Variants in FKBP1B observed in about 807,000 individuals in gnomAD.
FKBP1B encodes the protein FKBP prolyl isomerase 1B.
Under a neutral mutation model 13.5 loss-of-function variants are expected in FKBP1B, and 4 were observed. That is an observed-to-expected ratio of 0.30 (90% CI 0.15 to 0.68). The LOEUF is 0.68. Ranked by LOEUF, FKBP1B falls within the 30% of genes least tolerant of loss-of-function variation. FKBP1B has a pLI of 0.76. For missense variants in FKBP1B, 93 were observed against 136.2 expected, an observed-to-expected ratio of 0.68 and a Z score of 1.58; for synonymous variants, 54 against 53.6, an observed-to-expected ratio of 1.01 and a Z score of -0.03.
chr2:24,053,355 C>T (rs1041512464), intron 1 of FKBP1B, among the ~76,000 whole-genome samples: 1 of 147,742 alleles, frequency 6.8e-6, no homozygotes, highest in African/African-American at 2.5e-5. Flanking sequence ...TCTAGAACTC[C>T]TGAGCTCAAG....
chr2:24,058,784 G>A (rs1170666552), intron 2 of FKBP1B, among the ~76,000 whole-genome samples: 1 of 152,182 alleles, frequency 6.6e-6, no homozygotes, highest in Non-Finnish European at 1.5e-5. Flanking sequence ...GTATCTTTGT[G>A]TATTTGAATA....
chr2:24,037,905 T>C, the FKBP1B span: 2 of 1,614,156 alleles, frequency 1.2e-6, no homozygotes, highest in East Asian at 2.2e-5. Flanking sequence ...TGTGGTCTGG[T>C]GTGCTGCTGT....
At chr2:24,043,638 A>C in the FKBP1B span, among the ~76,000 whole-genome samples, 3 of 152,226 alleles carry the variant, frequency 2.0e-5, no homozygotes, top group African/African-American at 7.2e-5. Context: ...TATACTTAAA[A>C]TGAATTCCAT....
rs71395180 is a variant in FKBP1B at position 24,055,194 on chromosome 2, C to CT, written c.85+1262dup. On this transcript the variant is annotated intron_variant, in intron 2 of 3. Transcript: ENST00000380986. ...CCTAGAGGTAGCTATCATTGTTTTTCTTTTTTTTTTTTTTTTTGTCATTGT... is the reference window on the plus strand; with the variant it reads ...CCTAGAGGTAGCTATCATTGTTTTTCTTTTTTTTTTTTTTTTTTGTCATTGT... Among the ~76,000 whole-genome samples, 790 of 131,164 alleles carry CT rather than the reference C, an allele frequency of 6.0e-3. 9 individuals are homozygous for CT. Among genetic ancestry groups the CT allele is most frequent in the African/African-American group, 0.013 (447 of 34,922 alleles). 86.0% of individuals were successfully genotyped at this position (131,164 alleles called of 152,430 possible).
At chr2:24,043,509 A>AACAAAACAAG in the FKBP1B span, among the ~76,000 whole-genome samples, 274 of 152,034 alleles carry the variant, frequency 1.8e-3, 2 homozygotes, top group African/African-American at 6.3e-3. Flanking sequence ...AACAAAACAA[A>AACAAAACAAG]ACAAAAAACC....
chr2:24,047,753 T>C (rs1663676435), upstream of FKBP1B, among the ~76,000 whole-genome samples: 1 of 152,202 alleles, frequency 6.6e-6, no homozygotes, highest in Admixed American at 6.5e-5. Context: ...ATAAAATCTC[T>C]CAGGAAAATG....
chr2:24,043,444 G>A, the FKBP1B span, among the ~76,000 whole-genome samples: 2 of 152,236 alleles, frequency 1.3e-5, no homozygotes, highest in Middle Eastern at 3.4e-3. Flanking sequence ...CCTGGAGTTC[G>A]AGACCAGAGA....
At chr2:24,047,438 G>T (rs1282998552), upstream of FKBP1B, 2 of 152,192 alleles carry the variant, frequency 1.3e-5, no homozygotes, top group Non-Finnish European at 2.9e-5. Context: ...ATAGGTGGGC[G>T]GTGATATCGG....
the FKBP1B span, chr2:24,039,007 C>T: frequency 1.9e-6 from 3 of 1,614,206 alleles, no homozygotes; most frequent in Non-Finnish European, 2.5e-6. Context: ...CTGGGTCCAA[C>T]ATGCACAGTG....
upstream of FKBP1B, among the ~76,000 whole-genome samples, chr2:24,045,556 G>A (rs1016914167): frequency 6.9e-5 from 10 of 145,376 alleles, no homozygotes; most frequent in Admixed American, 2.8e-4. Flanking sequence ...AGCCGAGTTT[G>A]CGCCACTGCA....
At chr2:24,036,494 G>A in the FKBP1B span, among the ~76,000 whole-genome samples, 3 of 152,166 alleles carry the variant, frequency 2.0e-5, no homozygotes, top group African/African-American at 7.2e-5. Context: ...ATGATGCACT[G>A]TTAAGTAAAA....
chr2:24,041,950 T>C, the FKBP1B span, among the ~76,000 whole-genome samples: 2 of 151,796 alleles, frequency 1.3e-5, no homozygotes, highest in Admixed American at 6.6e-5. Flanking sequence ...ATACTCACTT[T>C]GAAATATAAA....
At chr2:24,034,465 G>A in the FKBP1B span, among the ~76,000 whole-genome samples, 1 of 151,606 alleles carries the variant, frequency 6.6e-6, no homozygotes, top group Non-Finnish European at 1.5e-5. Context: ...ATATAATGCA[G>A]ACAGTAAAGC....
At chr2:24,033,974 G>A in the FKBP1B span, among the ~76,000 whole-genome samples, 14 of 152,206 alleles carry the variant, frequency 9.2e-5, no homozygotes, top group Admixed American at 9.2e-4. Flanking sequence ...GAAGTCACAG[G>A]AATAAACTGT....
intron 2 of FKBP1B, among the ~76,000 whole-genome samples, chr2:24,060,103 T>A (rs1664316628): frequency 6.8e-6 from 1 of 146,276 alleles, no homozygotes; most frequent in South Asian, 2.2e-4. Flanking sequence ...AGGGGAGTAA[T>A]AGAATCAGAT....
chr2:24,042,702 T>C, the FKBP1B span, among the ~76,000 whole-genome samples: 16 of 143,036 alleles, frequency 1.1e-4, no homozygotes, highest in Non-Finnish European at 1.1e-4. Flanking sequence ...AGAGTGAAAC[T>C]CTGTCTCAAA....
the FKBP1B span, among the ~76,000 whole-genome samples, chr2:24,036,338 T>C: frequency 6.6e-6 from 1 of 150,688 alleles, no homozygotes; most frequent in Admixed American, 6.6e-5. Flanking sequence ...AGATCCTGTC[T>C]CTGCTAAAAA....
chr2:24,046,541 T>G (rs1487710664), upstream of FKBP1B, among the ~76,000 whole-genome samples: 1 of 152,218 alleles, frequency 6.6e-6, no homozygotes, highest in African/African-American at 2.4e-5. Flanking sequence ...AACCATTTAA[T>G]TCTGTTTTTC....
At chr2:24,052,624 A>G (rs1663930645) in intron 1 of FKBP1B, among the ~76,000 whole-genome samples, 1 of 152,160 alleles carries the variant, frequency 6.6e-6, no homozygotes, top group African/African-American at 2.4e-5. Context: ...AGTATTCATC[A>G]TAATCCATAA....
Sources: allele counts gnomAD v4.1 joint callset (sites outside exome capture counted in the v4.1 genomes callset), GRCh38; gene constraint gnomAD v4.1.1; transcripts MANE v1.5; gene names NCBI Gene and HGNC (gene_info 2026-07-23, HGNC 2026-07-21).